Variants in LINGO2 observed in about 807,000 individuals in gnomAD.
The protein encoded by LINGO2 is leucine-rich repeat and immunoglobulin-like domain-containing nogo receptor-interacting protein 2.
Under a neutral mutation model 30.6 loss-of-function variants are expected in LINGO2, and 14 were observed. The ratio of observed to expected loss-of-function variants is 0.46; its 90% confidence interval spans 0.30 to 0.72. The LOEUF (loss-of-function observed/expected upper bound fraction) is 0.72. LINGO2 is among the 30% of genes least tolerant of loss of function. LINGO2 has a pLI of 0.07. For missense variants in LINGO2, 729 were observed against 751.7 expected, an observed-to-expected ratio of 0.97 and a Z score of 0.35; for synonymous variants, 317 against 288.5, an observed-to-expected ratio of 1.10 and a Z score of -1.00.
intron 4 of LINGO2, among the ~76,000 whole-genome samples, chr9:28,072,129 T>C (rs910532093): frequency 2.7e-5 from 4 of 149,434 alleles, no homozygotes; most frequent in African/African-American, 1.0e-4. Flanking sequence ...TAATAAAGAA[T>C]ACTGACTCCT....
chr9:28,596,146 T>G (rs1587932444), intron 1 of LINGO2, among the ~76,000 whole-genome samples: 1 of 152,168 alleles, frequency 6.6e-6, no homozygotes, highest in Non-Finnish European at 1.5e-5. Flanking sequence ...AACTATTTTT[T>G]TGAACACTGA....
At chr9:28,002,096 C>T (rs1421587270) in intron 5 of LINGO2, among the ~76,000 whole-genome samples, 1 of 152,180 alleles carries the variant, frequency 6.6e-6, no homozygotes, top group Non-Finnish European at 1.5e-5. Flanking sequence ...CTAGACCGAT[C>T]AATCAGATTG....
intron 4 of LINGO2, among the ~76,000 whole-genome samples, chr9:28,157,629 C>A (rs983612575): frequency 6.6e-6 from 1 of 152,178 alleles, no homozygotes; most frequent in African/African-American, 2.4e-5. Flanking sequence ...CGTGAGGCTG[C>A]AAATTTTCTG....
chr9:28,710,511 AT>A, the LINGO2 span, among the ~76,000 whole-genome samples: 1 of 151,870 alleles, frequency 6.6e-6, no homozygotes, highest in Non-Finnish European at 1.5e-5. Context: ...AAACCACGAG[AT>A]TTTTTTTCAA....
chr9:28,148,931 A>T lies in LINGO2; in HGVS notation c.-86-136526T>A. The T allele has an allele frequency of 6.5e-7, 1 of 1,533,968 alleles. No individual in the cohort carries two copies. The highest frequency in any genetic ancestry group is 8.7e-7 in the Non-Finnish European group (1 of 1,146,654). ...TGGGTCAAGTAGGTCTTCTCCACACAGAGCTGCCGGCCACAGTTCCCACAA... is the reference window on the plus strand; with the variant it reads ...TGGGTCAAGTAGGTCTTCTCCACACTGAGCTGCCGGCCACAGTTCCCACAA... On this transcript the variant is annotated intron_variant, in intron 4 of 5. Coordinates refer to ENST00000379992, the Ensembl canonical transcript of LINGO2. The surrounding 1 kb of genome is among the most constrained non-coding windows in gnomAD (Gnocchi z 5.1).
chr9:28,605,188 A>G lies in LINGO2; in HGVS notation c.-365+65012T>C, dbSNP rs562738575. 1.5e-3 allele frequency among the ~76,000 whole-genome samples: 221 copies of G among 152,238 alleles called. 1 individual carries two copies. The highest frequency in any genetic ancestry group is 5.2e-3 in the African/African-American group (217 of 41,566). On this transcript the variant is annotated intron_variant, in intron 1 of 5. Transcript: ENST00000379992. ...TTAGTATTAGAAAATAAATACCTCAATAATTTTATATTGATCACATGTTGA... is the reference window on the plus strand; with the variant it reads ...TTAGTATTAGAAAATAAATACCTCAGTAATTTTATATTGATCACATGTTGA...
intron 3 of LINGO2, among the ~76,000 whole-genome samples, chr9:28,349,419 T>G (rs1564140652): frequency 8.3e-6 from 1 of 120,808 alleles, no homozygotes; most frequent in Non-Finnish European, 1.7e-5. Flanking sequence ...ATGAAATGAA[T>G]GAAATGAAGC....
At chr9:29,051,640 T>C in the LINGO2 span, among the ~76,000 whole-genome samples, 1 of 152,158 alleles carries the variant, frequency 6.6e-6, no homozygotes, top group Non-Finnish European at 1.5e-5. Context: ...TTTTTGGATC[T>C]CTATATTAGG....
At chr9:28,140,877 A>G (rs909779430) in intron 4 of LINGO2, among the ~76,000 whole-genome samples, 1 of 151,872 alleles carries the variant, frequency 6.6e-6, no homozygotes, top group African/African-American at 2.4e-5. Flanking sequence ...ATTTTCTTAA[A>G]TGAAAAGTAT....
At chr9:28,825,569 T>TTG in the LINGO2 span, among the ~76,000 whole-genome samples, 11 of 55,708 alleles carry the variant, frequency 2.0e-4, no homozygotes, top group South Asian at 3.3e-3. Context: ...TTGTATCTGG[T>TTG]TTTTTTTTTT....
At chr9:28,639,521 A>G (rs1328452684) in intron 1 of LINGO2, among the ~76,000 whole-genome samples, 1 of 152,152 alleles carries the variant, frequency 6.6e-6, no homozygotes, top group Non-Finnish European at 1.5e-5. Flanking sequence ...GGGTGCATAT[A>G]TATTTAGGAT....
intron 4 of LINGO2, among the ~76,000 whole-genome samples, chr9:28,253,177 T>A (rs1230051987): frequency 6.6e-6 from 1 of 152,182 alleles, no homozygotes; most frequent in Non-Finnish European, 1.5e-5. Flanking sequence ...TATATTGATT[T>A]TCATGTGGTA....
At chr9:28,771,484 TGTGTGTGTGTGTGTGTGTGTGTGA>T in the LINGO2 span, among the ~76,000 whole-genome samples, 9 of 137,522 alleles carry the variant, frequency 6.5e-5, no homozygotes, top group East Asian at 2.2e-4. Context: ...TGTGTGTGTG[TGTGTGTGTGTGTGTGTGTGTGTGA>T]GAGAGAGAGA....
chr9:28,542,632 A>G (rs1821751816), intron 1 of LINGO2, among the ~76,000 whole-genome samples: 1 of 152,098 alleles, frequency 6.6e-6, no homozygotes, highest in African/African-American at 2.4e-5. Context: ...ATGGTAATTT[A>G]TATAGCTGAT....
At chr9:28,798,799 T>C in the LINGO2 span, among the ~76,000 whole-genome samples, 1 of 152,062 alleles carries the variant, frequency 6.6e-6, no homozygotes, top group African/African-American at 2.4e-5. Context: ...AGCAAGTGAA[T>C]GGCACATATA....
intron 3 of LINGO2, among the ~76,000 whole-genome samples, chr9:28,321,557 A>G (rs935571351): frequency 6.6e-6 from 1 of 152,172 alleles, no homozygotes; most frequent in Non-Finnish European, 1.5e-5. Flanking sequence ...GTTACTGGCT[A>G]AAGAGAATGT....
chr9:28,674,473 T>G (rs150059538), upstream of LINGO2, among the ~76,000 whole-genome samples: 1 of 152,232 alleles, frequency 6.6e-6, no homozygotes, highest in Non-Finnish European at 1.5e-5. Context: ...TTGTTATTAA[T>G]TATGTCTCTA....
At chr9:29,096,291 A>AT in the LINGO2 span, among the ~76,000 whole-genome samples, 1,263 of 138,344 alleles carry the variant, frequency 9.1e-3, 225 homozygotes, top group African/African-American at 0.033. Flanking sequence ...TTTATTTTTT[A>AT]TTTTTTTATT....
the LINGO2 span, among the ~76,000 whole-genome samples, chr9:28,906,574 T>C: frequency 6.6e-6 from 1 of 152,044 alleles, no homozygotes; most frequent in Admixed American, 6.6e-5. Context: ...GATGGTCAGA[T>C]AATGCCAAAT....
Sources: allele counts gnomAD v4.1 joint callset (sites outside exome capture counted in the v4.1 genomes callset), GRCh38; gene constraint gnomAD v4.1.1; non-coding constraint Gnocchi (gnomAD v3.1); transcripts MANE v1.5; gene names NCBI Gene and HGNC (gene_info 2026-07-23, HGNC 2026-07-21).